The following ADAD1 variants were observed in gnomAD, a reference collection of about 807,000 sequenced individuals.
ADAD1 encodes adenosine deaminase domain-containing protein 1.
In ADAD1, 46 loss-of-function variants were observed where a neutral mutation model predicts 66.8. The ratio of observed to expected loss-of-function variants is 0.69; its 90% CI spans 0.54 to 0.88. ADAD1 has a LOEUF of 0.88. ADAD1 is among the 40% of genes least tolerant of loss of function. The pLI, the probability that ADAD1 is intolerant of heterozygous loss-of-function variation, is 0.00. For synonymous variants in ADAD1, 248 were observed against 229.4 expected (o/e 1.08, Z -0.73); for missense variants, 617 against 681.8 (o/e 0.91, Z 1.06).
intron 5 of ADAD1, 54 bp from the exon 6 acceptor site, chr4:122,393,535 G>A (rs1028701426): frequency 4.8e-6 from 7 of 1,462,338 alleles, no homozygotes; most frequent in Non-Finnish European, 6.4e-6. Context: ...AGAAATACCA[G>A]CTCTTTGGAA....
intron 12 of ADAD1, among the ~76,000 whole-genome samples, chr4:122,423,556 A>G (rs556634720): frequency 6.6e-6 from 1 of 152,202 alleles, no homozygotes; most frequent in East Asian, 1.9e-4. Context: ...TAATGTGTTG[A>G]TTTCTTATTA....
chr4:122,407,251 A>T (rs1796257288), intron 7 of ADAD1, among the ~76,000 whole-genome samples: 1 of 152,182 alleles, frequency 6.6e-6, no homozygotes. Context: ...ATATGGGGAA[A>T]AAAAAGAGTG....
At chr4:122,380,520 G>A in intron 3 of ADAD1, 1 of 421,414 alleles carries the variant, frequency 2.4e-6, no homozygotes, top group Non-Finnish European at 4.2e-6. Context: ...GAAGATACTG[G>A]ACTTACACTG....
intron 10 of ADAD1, among the ~76,000 whole-genome samples, 173 bp from the exon 11 acceptor site, chr4:122,415,206 C>G (rs1432756858): frequency 3.3e-5 from 5 of 151,974 alleles, no homozygotes; most frequent in African/African-American, 1.2e-4. Flanking sequence ...TTACCTTGTT[C>G]TGGTTCTGAT....
Position 122,411,374 on chromosome 4 carries a change from C to T in ADAD1, c.1001C>T (p.Ala334Val). ...LYMNQLPKGS[A>V]QIKSQLRLNP... ...ATGAACCAGTTGCCTAAAGGATCAG[C>T]CCAGATTAAGTCACAGTTGTAAGTA... The change falls in exon 9 of 13, where the codon GCC becomes GTC. Residue 334 changes from alanine to valine, a missense_variant. Transcript: ENST00000296513. The T allele has an allele frequency of 6.2e-7, 1 of 1,611,850 alleles. No individual in the cohort carries two copies. The highest frequency in any genetic ancestry group is 8.5e-7 in the Non-Finnish European group (1 of 1,179,318).
At chr4:122,388,238 G>T (rs1490533529) in intron 5 of ADAD1, among the ~76,000 whole-genome samples, 2 of 152,202 alleles carry the variant, frequency 1.3e-5, no homozygotes, top group African/African-American at 4.8e-5. Flanking sequence ...TGGTGAATAA[G>T]TTTTTTGATG....
chr4:122,416,077 C>T (rs770513810), intron 11 of ADAD1, among the ~76,000 whole-genome samples: 16 of 152,074 alleles, frequency 1.1e-4, no homozygotes, highest in Non-Finnish European at 1.6e-4. Context: ...AACTATGGTA[C>T]TGTGTTATAC....
chr4:122,409,507 A>G (rs1467631238), intron 8 of ADAD1, among the ~76,000 whole-genome samples: 1 of 152,168 alleles, frequency 6.6e-6, no homozygotes, highest in Non-Finnish European at 1.5e-5. Flanking sequence ...TATCACCTCA[A>G]GCATTTATCT....
intron 5 of ADAD1, among the ~76,000 whole-genome samples, chr4:122,391,308 C>T (rs1795425247): frequency 6.6e-6 from 1 of 152,172 alleles, no homozygotes; most frequent in African/African-American, 2.4e-5. Context: ...TATAAGGTGC[C>T]TGACAACCCC....
At chr4:122,398,307 A>G (rs1015291999) in intron 7 of ADAD1, among the ~76,000 whole-genome samples, 1 of 137,996 alleles carries the variant, frequency 7.2e-6, no homozygotes, top group Non-Finnish European at 1.5e-5. Flanking sequence ...CAGGCTGAGT[A>G]GTATTCCAGG....
intron 5 of ADAD1, among the ~76,000 whole-genome samples, chr4:122,392,873 C>G (rs1415507385): frequency 6.6e-6 from 1 of 152,128 alleles, no homozygotes; most frequent in Non-Finnish European, 1.5e-5. Flanking sequence ...CGTATGAGCT[C>G]TAAGGTGACA....
At chr4:122,399,845 T>C (rs781621316) in intron 7 of ADAD1, among the ~76,000 whole-genome samples, 1 of 151,962 alleles carries the variant, frequency 6.6e-6, no homozygotes, top group African/African-American at 2.4e-5. Context: ...TTTTGTACAT[T>C]GATTTTGTAT....
chr4:122,403,163 C>CT (rs1052301081), intron 7 of ADAD1, among the ~76,000 whole-genome samples: 1 of 152,044 alleles, frequency 6.6e-6, no homozygotes, highest in Non-Finnish European at 1.5e-5. Flanking sequence ...TCTTCACATT[C>CT]TTTTTTTTCC....
chr4:122,390,225 C>A (rs1328511857), intron 5 of ADAD1, among the ~76,000 whole-genome samples: 2 of 152,158 alleles, frequency 1.3e-5, no homozygotes, highest in Non-Finnish European at 2.9e-5. Context: ...GCTGAGAGAT[C>A]CCCTGTTAGT....
chr4:122,408,452 T>G (rs1265632376), intron 8 of ADAD1, among the ~76,000 whole-genome samples: 1 of 152,180 alleles, frequency 6.6e-6, no homozygotes, highest in African/African-American at 2.4e-5. Flanking sequence ...CTTTTTTGTA[T>G]TTTAGTAGAG....
At chr4:122,408,274 GTTGTT>G (rs1383714899) in intron 8 of ADAD1, among the ~76,000 whole-genome samples, 1 of 152,084 alleles carries the variant, frequency 6.6e-6, no homozygotes, top group African/African-American at 2.4e-5. Flanking sequence ...CTCAGTTTTT[GTTGTT>G]TTGTTTTGTT....
rs1180354333 is a variant in ADAD1, at chr4:122,390,011, G to GT, written c.530-3577dup. Among the ~76,000 whole-genome samples, 5 of 152,186 alleles carry GT rather than the reference G, an allele frequency of 3.3e-5. No individual in the cohort carries two copies. The South Asian group carries it at 6.2e-4, about 19-fold the overall frequency. On this transcript the variant is annotated intron_variant, in intron 5 of 12. Transcript: ENST00000296513. Reference sequence around the variant, plus strand: ...TGGCTCTTTCCGATTTTTCATTTCCGTATTTAGTGCTTCTTTCAGGAGTTC... The same window carrying GT: ...TGGCTCTTTCCGATTTTTCATTTCCGTTATTTAGTGCTTCTTTCAGGAGTTC...
At chr4:122,398,822 TA>T (rs1227617362) in intron 7 of ADAD1, among the ~76,000 whole-genome samples, 4 of 150,400 alleles carry the variant, frequency 2.7e-5, no homozygotes, top group East Asian at 1.9e-4. Context: ...TTGATGGGAT[TA>T]TTTTTTTTTT....
chr4:122,409,268 A>G (rs1796363287), intron 8 of ADAD1, among the ~76,000 whole-genome samples: 1 of 152,218 alleles, frequency 6.6e-6, no homozygotes, highest in Non-Finnish European at 1.5e-5. Flanking sequence ...GAAAACATGT[A>G]AAATGGGAAA....
Sources: gnomAD v4.1 joint callset for allele counts (sites outside exome capture counted in the v4.1 genomes callset) on GRCh38, gnomAD v4.1.1 for gene constraint, MANE v1.5 for transcripts, NCBI Gene and HGNC (gene_info 2026-07-23, HGNC 2026-07-21) for gene names.